RIMS1: variants seen among roughly 807,000 people sequenced by gnomAD.
The protein encoded by RIMS1 is regulating synaptic membrane exocytosis 1.
In RIMS1, 83 loss-of-function variants were observed where a neutral mutation model predicts 214.1. That is an observed-to-expected ratio of 0.39 (90% confidence interval 0.32 to 0.47). RIMS1 has a LOEUF of 0.47. RIMS1 is among the 20% of genes least tolerant of loss of function. The pLI is 0.99. For missense variants in RIMS1, 2,050 were observed against 2,161.8 expected, an observed-to-expected ratio of 0.95 and a Z score of 1.03; for synonymous variants, 793 against 786.8, an observed-to-expected ratio of 1.01 and a Z score of -0.13.
At chr6:72,007,151 A>G (rs1441382409) in intron 2 of RIMS1, among the ~76,000 whole-genome samples, 1 of 152,204 alleles carries the variant, frequency 6.6e-6, no homozygotes. Context: ...TCACGCAGCA[A>G]CATTTACTGT....
chr6:72,266,731 A>G (rs1364128536), intron 22 of RIMS1, among the ~76,000 whole-genome samples: 1 of 152,128 alleles, frequency 6.6e-6, no homozygotes, highest in East Asian at 1.9e-4. Flanking sequence ...AGCTGTAAGC[A>G]TCTAATTTTT....
chr6:72,178,647 A>G, intron 4 of RIMS1, among the ~76,000 whole-genome samples: 1 of 152,226 alleles, frequency 6.6e-6, no homozygotes, highest in East Asian at 1.9e-4. Flanking sequence ...GCACAAAGAA[A>G]CAGAGGTACT....
At chr6:71,906,706 A>G (rs1376526429) in intron 1 of RIMS1, among the ~76,000 whole-genome samples, 1 of 152,136 alleles carries the variant, frequency 6.6e-6, no homozygotes, top group Non-Finnish European at 1.5e-5. Context: ...GAGATCCACC[A>G]CTTTTACTAT....
chr6:72,362,598 C>CAA (rs1375318299), intron 29 of RIMS1, among the ~76,000 whole-genome samples: 7 of 152,092 alleles, frequency 4.6e-5, no homozygotes, highest in African/African-American at 1.7e-4. Context: ...CTAATTTTAT[C>CAA]CCCAGTTGTT....
At chr6:72,361,974 T>C (rs1321126470) in intron 29 of RIMS1, among the ~76,000 whole-genome samples, 2 of 96,202 alleles carry the variant, frequency 2.1e-5, no homozygotes, top group African/African-American at 4.6e-5. Flanking sequence ...CATTACTGTA[T>C]TGTATTGTAT....
chr6:72,227,379 C>T (rs1274789742), intron 6 of RIMS1, among the ~76,000 whole-genome samples: 1 of 151,854 alleles, frequency 6.6e-6, no homozygotes, highest in African/African-American at 2.4e-5. Context: ...AATGCAGTTT[C>T]GTGCACATTA....
chr6:72,369,481 T>C (rs1392866845), intron 29 of RIMS1, among the ~76,000 whole-genome samples: 1 of 152,106 alleles, frequency 6.6e-6, no homozygotes, highest in Non-Finnish European at 1.5e-5. Context: ...TAGGCAAGTC[T>C]CTAGGGCAGG....
chr6:72,124,154 T>G (rs1268282229), intron 4 of RIMS1, among the ~76,000 whole-genome samples: 2 of 151,930 alleles, frequency 1.3e-5, no homozygotes, highest in African/African-American at 2.4e-5. Flanking sequence ...AGGAGCTCTT[T>G]TAGGGCAGGC....
In RIMS1 at chr6:72,291,978, C is replaced by T. The variant is rs1431808643; in HGVS notation, c.3782C>T (p.Thr1261Ile). The change falls in exon 26 of 34, where the codon ACA (threonine) becomes ATA (isoleucine). Residue 1261 changes from threonine (T) to isoleucine (I), a missense_variant. This residue lies in a region of RIMS1 where 889 missense variants were observed against 885.5 expected (regional missense o/e 1.00). Coordinates refer to ENST00000521978, the MANE Select transcript of RIMS1 (RefSeq NM_014989.7). ...CCAACACAATCTCCTCCAGCAGACA[C>T]ATCGTTCAGCAGTCGCAGGGGAAGA... ...RSPTQSPPAD[T>I]SFSSRRGRQL... 3 of 1,564,994 alleles carry T rather than the reference C, an allele frequency of 1.9e-6. No homozygotes were observed. In the South Asian group the frequency reaches 3.5e-5, roughly 18 times the overall value.
At chr6:72,388,861 G>A (rs2154434607) in intron 29 of RIMS1, among the ~76,000 whole-genome samples, 1 of 152,262 alleles carries the variant, frequency 6.6e-6, no homozygotes, top group Non-Finnish European at 1.5e-5. Context: ...TGGAGGTGGG[G>A]AAGAGTTCTG....
intron 29 of RIMS1, among the ~76,000 whole-genome samples, chr6:72,376,778 T>C (rs2815746): frequency 0.02 from 3,049 of 151,796 alleles, 87 homozygotes; most frequent in African/African-American, 0.068. Flanking sequence ...CAGATTTTGC[T>C]ACTCATATAA....
In RIMS1 at chr6:71,915,339, A is replaced by G. The variant is rs184313002; in HGVS notation, c.164+28152A>G. Among the ~76,000 whole-genome samples the G allele has an allele frequency of 6.3e-4, 96 of 152,294 alleles. 1 individual carries two copies. The highest frequency in any genetic ancestry group is 6.8e-3 in the Middle Eastern group (2 of 294). ...CTATGGTCAGGCTGATCCAGAAGAA[A>G]TCAGTCTAGTGACATATGAGATAAC... On this transcript the variant is annotated intron_variant, in intron 1 of 33. Transcript: ENST00000521978.
intron 1 of RIMS1, among the ~76,000 whole-genome samples, chr6:71,952,965 C>A (rs1651644497): frequency 6.6e-6 from 1 of 151,024 alleles, no homozygotes; most frequent in Admixed American, 6.6e-5. Context: ...AGCTCCAATG[C>A]AGAAGCGCAT....
intron 2 of RIMS1, among the ~76,000 whole-genome samples, chr6:71,993,340 G>T (rs910831433): frequency 6.6e-6 from 1 of 152,164 alleles, no homozygotes; most frequent in Non-Finnish European, 1.5e-5. Flanking sequence ...TCAACACTAT[G>T]TAGAGAGGAA....
chr6:71,916,422 C>A (rs766198532), intron 1 of RIMS1, among the ~76,000 whole-genome samples: 1 of 152,000 alleles, frequency 6.6e-6, no homozygotes, highest in Non-Finnish European at 1.5e-5. Context: ...TCCTACGAAG[C>A]GGTAATAAAA....
intron 4 of RIMS1, among the ~76,000 whole-genome samples, chr6:72,150,665 G>A (rs976720734): frequency 4.6e-5 from 7 of 152,182 alleles, no homozygotes; most frequent in East Asian, 1.9e-4. Context: ...AACTAGTTTC[G>A]TAGGAATTGA....
At chr6:71,897,162 G>A (rs111608624) in intron 1 of RIMS1, among the ~76,000 whole-genome samples, 19 of 152,086 alleles carry the variant, frequency 1.2e-4, no homozygotes, top group Middle Eastern at 3.4e-3. Context: ...TTAATCTTTT[G>A]GAATCTTTTA....
intron 2 of RIMS1, among the ~76,000 whole-genome samples, chr6:72,045,920 G>T (rs1822889992): frequency 6.7e-6 from 1 of 149,432 alleles, no homozygotes. Flanking sequence ...AAGATGTTAT[G>T]CTAAATTTCA....
chr6:72,388,970 C>T (rs1160095871), intron 29 of RIMS1, among the ~76,000 whole-genome samples: 1 of 151,994 alleles, frequency 6.6e-6, no homozygotes, highest in Non-Finnish European at 1.5e-5. Context: ...AGGTTAAGAC[C>T]TTGATGTATA....
Sources: gnomAD v4.1 joint callset for allele counts (sites outside exome capture counted in the v4.1 genomes callset) on GRCh38, gnomAD v4.1.1 for gene constraint, gnomAD v4.1.1 regional missense constraint, MANE v1.5 for transcripts, NCBI Gene and HGNC (gene_info 2026-07-23, HGNC 2026-07-21) for gene names.